Variants in MICAL3 observed in about 807,000 individuals in gnomAD.
MICAL3 encodes the protein [F-actin]-monooxygenase MICAL3.
Under a neutral mutation model 207.4 loss-of-function variants are expected in MICAL3, and 62 were observed. The ratio of observed to expected loss-of-function variants is 0.30; its 90% CI spans 0.24 to 0.37. The LOEUF is 0.37. Ranked by LOEUF, MICAL3 falls within the 10% of genes least tolerant of loss-of-function variation. The probability of loss-of-function intolerance (pLI) is 1.00; values close to 1 mark genes in which losing one functional copy is unlikely to be tolerated. For missense variants in MICAL3, 2,368 were observed against 2,635.6 expected, an observed-to-expected ratio of 0.90 and a Z score of 2.22; for synonymous variants, 1,077 against 1,069.3, an observed-to-expected ratio of 1.01 and a Z score of -0.14.
intron 16 of MICAL3, chr22:17,872,852 C>A: frequency 6.3e-7 from 1 of 1,585,764 alleles, no homozygotes. Context: ...TCTTTATATA[C>A]TTCTATCGGT....
chr22:17,975,964 C>T (rs1271064983), intron 1 of MICAL3, among the ~76,000 whole-genome samples: 2 of 151,952 alleles, frequency 1.3e-5, no homozygotes, highest in Non-Finnish European at 2.9e-5. Flanking sequence ...GCAGGAGAAT[C>T]GCTAGAACCG....
chr22:17,979,125 G>C (rs943243400), intron 1 of MICAL3, among the ~76,000 whole-genome samples: 16 of 152,050 alleles, frequency 1.1e-4, no homozygotes, highest in African/African-American at 3.9e-4. Context: ...AGTAAGCTGT[G>C]ATCATGCCGC....
chr22:17,808,376 C>T (rs990944414), intron 29 of MICAL3, among the ~76,000 whole-genome samples: 2 of 152,268 alleles, frequency 1.3e-5, no homozygotes, highest in Non-Finnish European at 2.9e-5. Context: ...AGGGTGGCCA[C>T]ATGCTCCCCG....
In MICAL3 at chr22:17,906,851, G is replaced by T; in HGVS notation, c.-39C>A. ...CAGCACTCCCCAGAGGGGGAGGTGG[G>T]ATGGCTGTGGGTCCACCTGACACTG... On this transcript the variant is annotated 5_prime_UTR_variant, in exon 2 of 32. Coordinates refer to ENST00000441493, the MANE Select transcript of MICAL3 (RefSeq NM_015241.3). The T allele has an allele frequency of 1.3e-6, 2 of 1,533,028 alleles. No homozygotes were observed. The highest frequency in any genetic ancestry group is 8.8e-7 in the Non-Finnish European group (1 of 1,139,484). The allele number at this position is 1,533,028 out of a possible 1,614,324, so 95.0% of individuals were successfully genotyped here.
chr22:17,813,580 T>C (rs974584596), intron 27 of MICAL3: 2 of 152,184 alleles, frequency 1.3e-5, no homozygotes, highest in African/African-American at 4.8e-5. Flanking sequence ...AAGAGACAGA[T>C]GATTTCCCGA....
intron 29 of MICAL3, among the ~76,000 whole-genome samples, chr22:17,801,652 G>C (rs1303352359): frequency 6.6e-6 from 1 of 151,964 alleles, no homozygotes; most frequent in African/African-American, 2.4e-5. Flanking sequence ...CCAGCACTTT[G>C]GGAGGCTGAG....
chr22:17,850,119 C>A (rs1925132861), intron 19 of MICAL3, among the ~76,000 whole-genome samples: 1 of 152,110 alleles, frequency 6.6e-6, no homozygotes, highest in Non-Finnish European at 1.5e-5. Flanking sequence ...AATTCAGTTG[C>A]TTTGAAGATA....
intron 19 of MICAL3, among the ~76,000 whole-genome samples, chr22:17,858,185 G>A (rs542409055): frequency 1.2e-4 from 18 of 152,226 alleles, no homozygotes; most frequent in South Asian, 6.2e-4. Flanking sequence ...ACCCCCTCCC[G>A]CCAAGGTAAG....
chr22:17,862,121 A>G (rs999761253), intron 19 of MICAL3: 1 of 985,412 alleles, frequency 1.0e-6, no homozygotes, highest in African/African-American at 1.7e-5. Context: ...GCTGAGTTAC[A>G]CACAAGAGAA....
In MICAL3 at chr22:17,856,540, G is replaced by A. The variant is rs116557488; in HGVS notation, c.2605+8359C>T. Among the ~76,000 whole-genome samples, 1,299 of 151,476 alleles carry A rather than the reference G, an allele frequency of 8.6e-3. 22 individuals carry two copies. The highest frequency in any genetic ancestry group is 0.027 in the African/African-American group (1,125 of 41,316). ...CCAATGCCCCAAGAAGGCTGAACTGGCCAAAAGGAAGGCAGCAGCTGGTTC... is the reference window on the plus strand; with the variant it reads ...CCAATGCCCCAAGAAGGCTGAACTGACCAAAAGGAAGGCAGCAGCTGGTTC... On this transcript the variant is annotated intron_variant, in intron 19 of 31. Transcript: ENST00000441493.
chr22:17,925,918 G>A (rs1179290395), intron 1 of MICAL3, among the ~76,000 whole-genome samples: 1 of 152,026 alleles, frequency 6.6e-6, no homozygotes, highest in Non-Finnish European at 1.5e-5. Context: ...AAAATGACAG[G>A]CTGTGAGTCC....
chr22:17,895,068 T>G (rs567160079), intron 10 of MICAL3, among the ~76,000 whole-genome samples: 1 of 152,364 alleles, frequency 6.6e-6, no homozygotes, highest in African/African-American at 2.4e-5. Flanking sequence ...TCATGTTTGA[T>G]TTTCTCTAAG....
At chr22:18,016,369 C>A (rs1924055638) in intron 1 of MICAL3, among the ~76,000 whole-genome samples, 1 of 152,072 alleles carries the variant, frequency 6.6e-6, no homozygotes, top group South Asian at 2.1e-4. Flanking sequence ...TTTTGTCCTC[C>A]AGTCAGGTTT....
chr22:17,832,148 GA>G, intron 20 of MICAL3, 41 bp from the exon 21 acceptor site: 2 of 1,546,092 alleles, frequency 1.3e-6, no homozygotes. Flanking sequence ...AGGGAATGAA[GA>G]AAAACTGAGA....
At chr22:17,842,522 CTCATGCTGCGGA>C (rs1198482917) in intron 19 of MICAL3, 1 of 169,042 alleles carries the variant, frequency 5.9e-6, no homozygotes, top group Non-Finnish European at 1.3e-5. Flanking sequence ...TGAAGAACGT[CTCATGCTGCGGA>C]TCTGTCTCCT....
chr22:17,865,047 C>A (rs1027493028), intron 18 of MICAL3, 61 bp from the exon 19 acceptor site: 1 of 1,492,308 alleles, frequency 6.7e-7, no homozygotes, highest in Non-Finnish European at 9.0e-7. Flanking sequence ...ATCCTCAAAT[C>A]CCTAGAGGCA....
chr22:17,892,844 CCTCT>C (rs1256571205), intron 11 of MICAL3, among the ~76,000 whole-genome samples: 1 of 152,190 alleles, frequency 6.6e-6, no homozygotes, highest in Non-Finnish European at 1.5e-5. Flanking sequence ...CTCAGCCCTC[CCTCT>C]GCCTTGCCTA....
At position 17,818,736 on chromosome 22, in the gene MICAL3, C is replaced by T; in HGVS notation, c.3925G>A (p.Gly1309Ser). The T allele has an allele frequency of 6.2e-7, 1 of 1,608,300 alleles. No individual in the cohort carries two copies. Among genetic ancestry groups the T allele is most frequent in the South Asian group, 1.1e-5 (1 of 90,542 alleles). Residue 1309 changes from glycine to serine, a missense_variant, in exon 26 of 32, where the codon GGC (glycine) becomes AGC (serine). This residue lies in a region of MICAL3 where 1,770 missense variants were observed against 1,863.2 expected (regional missense o/e 0.95). Transcript: ENST00000441493. ...GCCTCATCCACAGCAAGGGGGCTGC[C>T]CAGTCTGTCCTTGGTGTCACTTTGG... ...QSQSDTKDRL[G>S]SPLAVDEALR...
intron 1 of MICAL3, among the ~76,000 whole-genome samples, chr22:17,970,770 T>C (rs1052382614): frequency 2.6e-5 from 4 of 150,966 alleles, no homozygotes; most frequent in East Asian, 2.0e-4. Flanking sequence ...TTTTTTTTAA[T>C]GTGGAAAATT....
Sources: allele counts gnomAD v4.1 joint callset (sites outside exome capture counted in the v4.1 genomes callset), GRCh38; gene constraint gnomAD v4.1.1; regional missense constraint gnomAD v4.1.1; transcripts MANE v1.5; gene names NCBI Gene and HGNC (gene_info 2026-07-23, HGNC 2026-07-21).